Variants in SF3A1 observed in about 807,000 individuals in gnomAD.
The protein encoded by SF3A1 is splicing factor 3a subunit 1, also known as SAP 114.
Under a neutral mutation model 89.9 loss-of-function variants are expected in SF3A1, and 13 were observed. That is an observed-to-expected ratio of 0.14 (90% confidence interval 0.09 to 0.23). The LOEUF is 0.23. Among genes scored for constraint, SF3A1 ranks in the 10% least tolerant of loss-of-function variants. SF3A1 has a pLI of 1.00. For synonymous variants in SF3A1, 405 were observed against 374.4 expected (o/e 1.08, Z -0.94); for missense variants, 604 against 1,022.1 (o/e 0.59, Z 5.58).
At chr22:30,356,077 G>A (rs1569177646) in intron 1 of SF3A1, among the ~76,000 whole-genome samples, 1 of 152,074 alleles carries the variant, frequency 6.6e-6, no homozygotes, top group Non-Finnish European at 1.5e-5. Context: ...ATACTACAAT[G>A]GTTTGTGCAC....
rs766231274 is a variant in SF3A1 at position 30,353,019 on chromosome 22, A to G, written c.117T>C (p.Val39=). The part of the protein sequence containing the change: ...SKEDSAPSKP[V]VGIIYPPPEV... ...CTGGAGGAGGGTAAATAATCCCCAC[A>G]ACTGGCTTAGAAGGTGCAGAATCCT... Residue 39 remains valine, a synonymous_variant, in exon 2 of 16, where the codon GTT becomes GTC. Transcript: ENST00000215793. The G allele has an allele frequency of 1.4e-5, 22 of 1,614,006 alleles. No homozygotes were observed. The East Asian group carries it at 4.9e-4, about 36-fold the overall frequency.
At chr22:30,338,285 C>T (rs1410995978) in intron 11 of SF3A1, among the ~76,000 whole-genome samples, 1 of 152,148 alleles carries the variant, frequency 6.6e-6, no homozygotes, top group Non-Finnish European at 1.5e-5. Flanking sequence ...ACGGAGAAAC[C>T]TCATCTCTAC....
At chr22:30,354,890 T>C (rs1194937678) in intron 1 of SF3A1, among the ~76,000 whole-genome samples, 1 of 152,204 alleles carries the variant, frequency 6.6e-6, no homozygotes, top group Non-Finnish European at 1.5e-5. Flanking sequence ...CACCACTGCA[T>C]TCCAGCCTGG....
chr22:30,339,665 AGAACTGCTTGAACGT>A (rs896507704), intron 9 of SF3A1, among the ~76,000 whole-genome samples: 6 of 152,332 alleles, frequency 3.9e-5, no homozygotes, highest in Admixed American at 2.0e-4. Flanking sequence ...CTGAGGCAGA[AGAACTGCTTGAACGT>A]GAGAGGCGGA....
intron 15 of SF3A1, 44 bp downstream of exon 15, chr22:30,335,423 G>A: frequency 6.6e-7 from 1 of 1,514,380 alleles, no homozygotes; most frequent in Non-Finnish European, 9.2e-7. Flanking sequence ...TGAAAGCAGA[G>A]GTGTCAGGAC....
rs745766839 is a variant in SF3A1 at position 30,337,169 on chromosome 22, C to G, written c.1963G>C (p.Ala655Pro). 3 of 1,610,888 alleles carry G rather than the reference C, an allele frequency of 1.9e-6. No homozygotes were observed. Among genetic ancestry groups the G allele is most frequent in the Non-Finnish European group, 2.5e-6 (3 of 1,178,480 alleles). Residue 655 changes from alanine to proline, a missense_variant, in exon 13 of 16, where the codon GCT (alanine) becomes CCT (proline). Ala to Pro is a conservative substitution (Grantham distance 27). Around this residue, in one of 9 missense-constraint regions of SF3A1, gnomAD observed 45 missense variants for 41.1 expected, o/e 1.09. Transcript: ENST00000215793. ...GCTGGGACAGGTGCCACAGGTGGAGCAGGCACAAAGGCTGCAAAGACAAGA... is the reference window on the plus strand; with the variant it reads ...GCTGGGACAGGTGCCACAGGTGGAGGAGGCACAAAGGCTGCAAAGACAAGA... The part of the protein sequence containing the change: ...PMIVPTAFVP[A>P]PPVAPVPAPA...
intron 12 of SF3A1, 66 bp from the exon 13 acceptor site, chr22:30,337,246 G>C (rs1931097287): frequency 3.5e-6 from 5 of 1,440,564 alleles, no homozygotes; most frequent in Non-Finnish European, 4.7e-6. Context: ...GGGCTGATGA[G>C]AAGTTGAGAG....
chr22:30,350,322 T>TAAA (rs896689707), intron 2 of SF3A1, among the ~76,000 whole-genome samples: 2 of 139,328 alleles, frequency 1.4e-5, no homozygotes, highest in Non-Finnish European at 1.6e-5. Flanking sequence ...ATAAAAAAAA[T>TAAA]AAAAAAAAAA....
chr22:30,340,774 T>C lies in SF3A1; in HGVS notation c.1110A>G (p.Pro370=), dbSNP rs1312104958. Residue 370 remains proline, a synonymous_variant, in exon 8 of 16, where the codon CCA becomes CCG. Coordinates refer to ENST00000215793, the MANE Select transcript of SF3A1 (RefSeq NM_005877.6). ...GTGGAGGCATGGGTGTCTCTGGGGG[T>C]GGGGGCACTTTCTGCCCTTCTTCTT... is the stretch of plus-strand genomic sequence containing the variant. The part of the protein sequence containing the change: ...DDEEEGQKVP[P]PPETPMPPPL... 2 of 1,587,732 alleles carry C rather than the reference T, an allele frequency of 1.3e-6. No homozygotes were observed. The highest frequency in any genetic ancestry group is 3.7e-5 in the Admixed American group (2 of 54,730).
rs755624640 is a variant in SF3A1, at chr22:30,346,399, C to G, written c.306G>C (p.Lys102Asn). The G allele has an allele frequency of 5.6e-6, 9 of 1,614,112 alleles. No homozygotes were observed. The highest frequency in any genetic ancestry group is 6.8e-6 in the Non-Finnish European group (8 of 1,179,992). ...AYYRHKVSEF[K>N]EGKAQEPSAA... ...CGGACGGCTCCTGAGCCTTCCCTTC[C>G]TTGAACTCGCTGACCTTGTGGCGGT... The change falls in exon 3 of 16, where the codon AAG (lysine) becomes AAC (asparagine). Residue 102 changes from lysine to asparagine, a missense_variant. Around this residue, in one of 9 missense-constraint regions of SF3A1, gnomAD observed 162 missense variants for 229.2 expected, o/e 0.71. Coordinates refer to ENST00000215793, the MANE Select transcript of SF3A1 (RefSeq NM_005877.6).
Position 30,337,157 on chromosome 22 carries a change from C to T in SF3A1, c.1975G>A (p.Ala659Thr). The change falls in exon 13 of 16, where the codon GCA becomes ACA. Residue 659 changes from alanine to threonine, a missense_variant. Physicochemically the swap from Ala to Thr is moderately conservative, Grantham distance 58. Around this residue, in one of 9 missense-constraint regions of SF3A1, gnomAD observed 45 missense variants for 41.1 expected, o/e 1.09. Transcript: ENST00000215793. Reference protein sequence around the residue: ...PTAFVPAPPVAPVPAPAPMPP... With the variant: ...PTAFVPAPPVTPVPAPAPMPP... Reference sequence around the variant, plus strand: ...ATTGGGGCTGGAGCTGGGACAGGTGCCACAGGTGGAGCAGGCACAAAGGCT... The same window carrying T: ...ATTGGGGCTGGAGCTGGGACAGGTGTCACAGGTGGAGCAGGCACAAAGGCT... 1 of 1,612,598 alleles carries T rather than the reference C, an allele frequency of 6.2e-7. No homozygotes were observed. The highest frequency in any genetic ancestry group is 8.5e-7 in the Non-Finnish European group (1 of 1,179,266).
Position 30,342,817 on chromosome 22 carries a change from T to A in SF3A1, c.714A>T (p.Glu238Asp). The A allele has an allele frequency of 6.2e-7, 1 of 1,610,606 alleles. No homozygotes were observed. Among genetic ancestry groups the A allele is most frequent in the Non-Finnish European group, 8.5e-7 (1 of 1,177,532 alleles). ...KLKKEAENPREVLDQVCYRVE... is the reference protein window; with the variant it reads ...KLKKEAENPRDVLDQVCYRVE... ...CTATTCAGTTTACCTGATCCAAAAC[T>A]TCTCGGGGGTTTTCAGCCTCTTTCT... The change falls in exon 5 of 16, where the codon GAA (glutamate) becomes GAT (aspartate). Residue 238 changes from glutamate to aspartate, a missense_variant. Transcript: ENST00000215793.
At chr22:30,348,804 C>G (rs1350784720) in intron 2 of SF3A1, among the ~76,000 whole-genome samples, 1 of 152,216 alleles carries the variant, frequency 6.6e-6, no homozygotes, top group Non-Finnish European at 1.5e-5. Flanking sequence ...CCAGCAAATG[C>G]CTCGGGCAGA....
At position 30,352,883 on chromosome 22, in the gene SF3A1, T is replaced by G. The variant is rs560638321; in HGVS notation, c.185+68A>C. ...AACAACGTCTCTTTAAAAACCCTTGTGCTGATTCAGTGCTGAAGTCTCTTC... is the reference window on the plus strand; with the variant it reads ...AACAACGTCTCTTTAAAAACCCTTGGGCTGATTCAGTGCTGAAGTCTCTTC... On this transcript the variant is annotated intron_variant, in intron 2 of 15. Transcript: ENST00000215793. 6.0e-5 allele frequency: 95 copies of G among 1,583,986 alleles called. 1 individual carries two copies. In the East Asian group the frequency reaches 1.6e-3, roughly 27 times the overall value.
At chr22:30,343,889 G>A (rs932727000) in intron 4 of SF3A1, among the ~76,000 whole-genome samples, 2 of 152,218 alleles carry the variant, frequency 1.3e-5, no homozygotes, top group African/African-American at 4.8e-5. Context: ...AGTGAGTAGA[G>A]TTAGGAAATT....
rs1222523081 is a variant in SF3A1, at chr22:30,335,476, T to C, written c.2271A>G (p.Leu757=). The C allele has an allele frequency of 1.2e-6, 2 of 1,613,972 alleles. No homozygotes were observed. Among genetic ancestry groups the C allele is most frequent in the East Asian group, 4.5e-5 (2 of 44,894 alleles). The part of the protein sequence containing the change: ...ATGMPAGKQK[L]QYEGIFIKDS... The stretch of plus-strand genomic sequence containing the variant: ...GGACAAACTGACTCACCTCATACTG[T>C]AGCTTCTGTTTCCCTGCAGGCATGC... Residue 757 remains leucine (L), a synonymous_variant, in exon 15 of 16, where the codon CTA becomes CTG. Coordinates refer to ENST00000215793, the MANE Select transcript of SF3A1 (RefSeq NM_005877.6).
chr22:30,346,286 A>G (rs755643504), intron 3 of SF3A1, 26 bp downstream of exon 3: 3 of 1,476,586 alleles, frequency 2.0e-6, no homozygotes, highest in African/African-American at 2.8e-5. Flanking sequence ...GCCCTGCGTA[A>G]GTGAAGGGGG....
rs751905959 is a variant in SF3A1 at position 30,337,712 on chromosome 22, T to TGG, written c.1927_1928dup (p.Pro644HisfsTer4). On this transcript the variant is annotated frameshift_variant, in exon 12 of 16. Transcript: ENST00000215793. LOFTEE classifies it high-confidence loss of function. ...GACCTGTTGGCACAATCATGGGGGG[T>TGG]GGGCGGGGGGCCATAATAGGAGGGG... 2 of 309,776 alleles carry TGG rather than the reference T, an allele frequency of 6.5e-6. No homozygotes were observed. Among genetic ancestry groups the TGG allele is most frequent in the South Asian group, 2.3e-5 (1 of 44,244 alleles). The allele number at this position is 309,776 out of a possible 1,614,324, so 19.2% of individuals were successfully genotyped here.
At chr22:30,353,566 C>G (rs1342155612) in intron 1 of SF3A1, among the ~76,000 whole-genome samples, 1 of 152,176 alleles carries the variant, frequency 6.6e-6, no homozygotes, top group Non-Finnish European at 1.5e-5. Flanking sequence ...AAATTCCAGA[C>G]ATTGTATGAG....
Sources: allele counts gnomAD v4.1 joint callset (sites outside exome capture counted in the v4.1 genomes callset), GRCh38; gene constraint gnomAD v4.1.1; regional missense constraint gnomAD v4.1.1; transcripts MANE v1.5; gene names NCBI Gene and HGNC (gene_info 2026-07-23, HGNC 2026-07-21).